Variants in GLRA1 observed in about 807,000 individuals in gnomAD.
The protein encoded by GLRA1 is glycine receptor alpha 1.
A neutral mutation model predicts 48.3 loss-of-function variants in GLRA1; 37 were observed. The observed-to-expected ratio is 0.77, with a 90% CI of 0.59 to 1.01. The LOEUF (loss-of-function observed/expected upper bound fraction) is 1.01. Among genes scored for constraint, GLRA1 ranks in the 50% least tolerant of loss-of-function variants. The pLI, the probability that GLRA1 is intolerant of heterozygous loss-of-function variation, is 0.00. For missense variants in GLRA1, 427 were observed against 571.0 expected, an observed-to-expected ratio of 0.75 and a Z score of 2.57; for synonymous variants, 196 against 210.7, an observed-to-expected ratio of 0.93 and a Z score of 0.60.
At chr5:151,845,191 A>G (rs757978134) in intron 7 of GLRA1, among the ~76,000 whole-genome samples, 6 of 152,210 alleles carry the variant, frequency 3.9e-5, no homozygotes, top group Non-Finnish European at 2.9e-5. Context: ...ATCCACTCCT[A>G]TGATCCAAAC....
chr5:151,895,287 TG>T (rs949977743), intron 1 of GLRA1, among the ~76,000 whole-genome samples: 28 of 152,142 alleles, frequency 1.8e-4, no homozygotes, highest in Admixed American at 1.7e-3. Flanking sequence ...TATATATACA[TG>T]GGGTATAGGG....
At chr5:151,850,737 C>T (rs1307086890) in intron 7 of GLRA1, 2 of 1,041,358 alleles carry the variant, frequency 1.9e-6, no homozygotes, top group South Asian at 1.3e-5. Context: ...CAGAAGCCCT[C>T]ATCAACACGT....
intron 1 of GLRA1, among the ~76,000 whole-genome samples, chr5:151,919,688 A>G (rs771231253): frequency 7.9e-5 from 12 of 152,260 alleles, no homozygotes; most frequent in Non-Finnish European, 1.6e-4. Flanking sequence ...GTGATTGGCC[A>G]AATCTCTTCA....
intron 7 of GLRA1, among the ~76,000 whole-genome samples, chr5:151,848,674 C>T (rs1374569329): frequency 6.6e-6 from 1 of 152,224 alleles, no homozygotes; most frequent in Non-Finnish European, 1.5e-5. Flanking sequence ...TTCCTCTAGT[C>T]TCTGCCTATG....
chr5:151,844,159 G>A (rs991148307), intron 7 of GLRA1, among the ~76,000 whole-genome samples: 41 of 134,050 alleles, frequency 3.1e-4, no homozygotes, highest in African/African-American at 1.2e-3. Context: ...GACAGAGTGA[G>A]ACTATGTCTT....
At chr5:151,869,359 G>A (rs925324630) in intron 3 of GLRA1, among the ~76,000 whole-genome samples, 1 of 151,440 alleles carries the variant, frequency 6.6e-6, no homozygotes, top group African/African-American at 2.4e-5. Context: ...CCGCCTTGGC[G>A]TACAAAAGTG....
Position 151,913,120 on chromosome 5 carries a change from G to A in GLRA1, c.56+11374C>T, listed in dbSNP as rs141371974. Among the ~76,000 whole-genome samples the A allele has an allele frequency of 1.9e-3, 297 of 152,332 alleles. 2 individuals are homozygous for A. The highest frequency in any genetic ancestry group is 6.8e-3 in the African/African-American group (284 of 41,564). On this transcript the variant is annotated intron_variant, in intron 1 of 8. Coordinates refer to ENST00000274576, the MANE Select transcript of GLRA1 (RefSeq NM_000171.4). ...TCAGAGAGAAGGAGAGGAAATTACC[G>A]TTTGTTAAGGGATTGTGCTCTGATA...
intron 5 of GLRA1, among the ~76,000 whole-genome samples, chr5:151,856,056 G>A (rs538263086): frequency 5.7e-4 from 87 of 152,318 alleles, no homozygotes; most frequent in African/African-American, 2.1e-3. Context: ...ATTTACCATA[G>A]ACATGGAACA....
intron 1 of GLRA1, among the ~76,000 whole-genome samples, chr5:151,922,599 C>A (rs1754901894): frequency 6.6e-6 from 1 of 152,236 alleles, no homozygotes; most frequent in African/African-American, 2.4e-5. Flanking sequence ...TCCATTGTAG[C>A]TCATGTGTGC....
chr5:151,836,898 T>C (rs894116534), intron 7 of GLRA1, among the ~76,000 whole-genome samples: 24 of 152,110 alleles, frequency 1.6e-4, no homozygotes, highest in Non-Finnish European at 2.1e-4. Context: ...CCTTCATGAC[T>C]AAAACACCAA....
chr5:151,833,613 G>A (rs750861752), intron 7 of GLRA1, among the ~76,000 whole-genome samples: 58 of 151,924 alleles, frequency 3.8e-4, no homozygotes, highest in African/African-American at 1.2e-3. Context: ...ACAGGCATGC[G>A]CCACCATGCT....
At chr5:151,917,831 G>A (rs1754776087) in intron 1 of GLRA1, among the ~76,000 whole-genome samples, 2 of 152,184 alleles carry the variant, frequency 1.3e-5, no homozygotes, top group African/African-American at 4.8e-5. Context: ...GAAGAGTTGG[G>A]AATGTACTTG....
chr5:151,895,000 T>C (rs1754194401), intron 1 of GLRA1, among the ~76,000 whole-genome samples: 2 of 152,204 alleles, frequency 1.3e-5, no homozygotes, highest in Non-Finnish European at 2.9e-5. Context: ...TTAGTTTCTT[T>C]GTGTGTGTCT....
At chr5:151,831,322 G>A (rs1045466133) in intron 7 of GLRA1, among the ~76,000 whole-genome samples, 2 of 152,192 alleles carry the variant, frequency 1.3e-5, no homozygotes, top group South Asian at 2.1e-4. Context: ...CCTGGAAAGG[G>A]GGCTGAAGCC....
At chr5:151,849,460 C>CTTTCCTTTCCTTTCCT (rs199535578) in intron 7 of GLRA1, among the ~76,000 whole-genome samples, 7 of 49,874 alleles carry the variant, frequency 1.4e-4, no homozygotes, top group African/African-American at 2.1e-4. Context: ...CCTTTCCTTC[C>CTTTCCTTTCCTTTCCT]TTCCTTCCTT....
At chr5:151,827,259 A>G (rs557859699) in intron 8 of GLRA1, among the ~76,000 whole-genome samples, 2 of 151,766 alleles carry the variant, frequency 1.3e-5, no homozygotes, top group South Asian at 2.1e-4. Context: ...AAGAAGTTCT[A>G]TCTGGCTTGC....
chr5:151,862,211 G>A (rs1022434992), intron 3 of GLRA1, among the ~76,000 whole-genome samples: 1 of 152,116 alleles, frequency 6.6e-6, no homozygotes, highest in East Asian at 1.9e-4. Context: ...ATGGTGCTGG[G>A]AAAACTGGCT....
Position 151,924,688 on chromosome 5 carries a change from A to T in GLRA1, c.-139T>A. On this transcript the variant is annotated 5_prime_UTR_variant, in exon 1 of 9. Transcript: ENST00000274576. Reference sequence around the variant, plus strand: ...AGGCGGGGAACAGGGGCGCGGAGGGAGAGCCCCAGGGGAAATTGGAGCGAG... The same window carrying T: ...AGGCGGGGAACAGGGGCGCGGAGGGTGAGCCCCAGGGGAAATTGGAGCGAG... The T allele has an allele frequency of 1.4e-6, 1 of 738,030 alleles. No individual in the cohort carries two copies. The highest frequency in any genetic ancestry group is 1.8e-5 in the Admixed American group (1 of 54,574). The allele number at this position is 738,030 out of a possible 1,614,324, so 45.7% of individuals were successfully genotyped here. A position where few individuals can be genotyped will look rare whatever the true frequency, so the allele number is the denominator to read the frequency against.
intron 7 of GLRA1, among the ~76,000 whole-genome samples, chr5:151,832,782 T>G (rs752333565): frequency 1.3e-5 from 2 of 152,024 alleles, no homozygotes; most frequent in South Asian, 2.1e-4. Context: ...ATATTCAAAT[T>G]CGGGAAATAC....
Sources: allele counts gnomAD v4.1 joint callset (sites outside exome capture counted in the v4.1 genomes callset), GRCh38; gene constraint gnomAD v4.1.1; transcripts MANE v1.5; gene names NCBI Gene and HGNC (gene_info 2026-07-23, HGNC 2026-07-21).